MEIS2: variants seen among roughly 807,000 people sequenced by gnomAD.
MEIS2 encodes the protein homeobox protein Meis2.
In MEIS2, 9 loss-of-function variants were observed where a neutral mutation model predicts 58.6. The observed-to-expected ratio is 0.15, with a 90% CI of 0.09 to 0.27. The LOEUF is 0.27. Among genes scored for constraint, MEIS2 ranks in the 10% least tolerant of loss-of-function variants. The probability of loss-of-function intolerance (pLI) is 1.00; values close to 1 mark genes in which losing one functional copy is unlikely to be tolerated. For missense variants in MEIS2, 427 were observed against 635.0 expected, an observed-to-expected ratio of 0.67 and a Z score of 3.52; for synonymous variants, 221 against 228.4, an observed-to-expected ratio of 0.97 and a Z score of 0.29.
chr15:37,028,517 A>C (rs1264357228), intron 8 of MEIS2, among the ~76,000 whole-genome samples: 1 of 152,228 alleles, frequency 6.6e-6, no homozygotes, highest in Non-Finnish European at 1.5e-5. Flanking sequence ...AGCTTCTAGG[A>C]TCCAACACGA....
At chr15:36,897,808 G>C (rs2056259036) in intron 9 of MEIS2, 1 of 152,140 alleles carries the variant, frequency 6.6e-6, no homozygotes, top group Non-Finnish European at 1.5e-5. Flanking sequence ...CAGATCTTAA[G>C]CACAGGGGGA....
At chr15:37,031,100 A>G (rs1018046005) in intron 8 of MEIS2, among the ~76,000 whole-genome samples, 3 of 152,240 alleles carry the variant, frequency 2.0e-5, no homozygotes, top group Admixed American at 6.5e-5. Flanking sequence ...TGTACTTATT[A>G]TAAGAATCAG....
intron 8 of MEIS2, among the ~76,000 whole-genome samples, chr15:36,955,725 T>G (rs1433145394): frequency 3.9e-5 from 6 of 152,180 alleles, no homozygotes; most frequent in Non-Finnish European, 8.8e-5. Flanking sequence ...TCCTTTGCTA[T>G]TCTACTGCCA....
At chr15:36,960,752 C>T (rs1279177067) in intron 8 of MEIS2, among the ~76,000 whole-genome samples, 1 of 152,134 alleles carries the variant, frequency 6.6e-6, no homozygotes, top group Non-Finnish European at 1.5e-5. Flanking sequence ...ATTATAGTCT[C>T]ATATTCTTAA....
chr15:36,932,816 G>C (rs554032820), intron 9 of MEIS2, among the ~76,000 whole-genome samples: 19 of 152,312 alleles, frequency 1.2e-4, no homozygotes, highest in South Asian at 6.2e-4. Context: ...ATGAGGAAAA[G>C]CTTTGAGTGG....
intron 8 of MEIS2, among the ~76,000 whole-genome samples, chr15:36,992,833 C>T (rs1318425008): frequency 2.0e-5 from 3 of 152,082 alleles, no homozygotes; most frequent in Non-Finnish European, 4.4e-5. Flanking sequence ...CTCAGGTTTT[C>T]TCGCACGGAT....
chr15:36,959,338 G>T (rs1433058488), intron 8 of MEIS2, among the ~76,000 whole-genome samples: 1 of 152,004 alleles, frequency 6.6e-6, no homozygotes, highest in Non-Finnish European at 1.5e-5. Context: ...TTCCCCGTTT[G>T]CCACACTGCA....
intron 8 of MEIS2, among the ~76,000 whole-genome samples, chr15:36,994,255 T>C (rs2060399746): frequency 6.6e-6 from 1 of 152,154 alleles, no homozygotes; most frequent in Non-Finnish European, 1.5e-5. Flanking sequence ...TCAAAACTTC[T>C]ACCCCCATGA....
intron 8 of MEIS2, among the ~76,000 whole-genome samples, chr15:37,024,664 A>T (rs1277515965): frequency 6.6e-6 from 1 of 152,248 alleles, no homozygotes; most frequent in Admixed American, 6.5e-5. Context: ...AACTGTCTTC[A>T]GGGGAAAAAT....
At chr15:37,095,458 A>C in intron 4 of MEIS2, 106 bp downstream of exon 4, 1 of 1,553,242 alleles carries the variant, frequency 6.4e-7, no homozygotes, top group Non-Finnish European at 8.9e-7. Flanking sequence ...CTAGAGCTCC[A>C]AAAGAGGGTT....
intron 10 of MEIS2, among the ~76,000 whole-genome samples, chr15:36,895,882 C>G (rs1036984898): frequency 1.3e-5 from 2 of 152,208 alleles, no homozygotes; most frequent in African/African-American, 4.8e-5. Flanking sequence ...CAGGTAAAAT[C>G]TCCATCAAGT....
At chr15:36,994,440 C>T (rs2060404955) in intron 8 of MEIS2, among the ~76,000 whole-genome samples, 1 of 152,130 alleles carries the variant, frequency 6.6e-6, no homozygotes, top group Admixed American at 6.5e-5. Flanking sequence ...TATAAGACTA[C>T]CAAATGTCTT....
intron 8 of MEIS2, 83 bp downstream of exon 8, chr15:37,036,731 T>TA (rs929628409): frequency 1.9e-4 from 271 of 1,410,802 alleles, no homozygotes; most frequent in Middle Eastern, 6.0e-4. Context: ...CACCTTAGTT[T>TA]AAAAAAAAAT....
chr15:37,010,422 C>A (rs545617275), intron 8 of MEIS2, among the ~76,000 whole-genome samples: 1 of 148,902 alleles, frequency 6.7e-6, no homozygotes, highest in Non-Finnish European at 1.5e-5. Context: ...TCCCTCTGTA[C>A]CCCAGGCTGG....
At chr15:36,904,880 A>T (rs755536516) in intron 9 of MEIS2, among the ~76,000 whole-genome samples, 1 of 152,228 alleles carries the variant, frequency 6.6e-6, no homozygotes, top group Non-Finnish European at 1.5e-5. Flanking sequence ...TGTCTTGCTA[A>T]GAATTAAACT....
intron 11 of MEIS2, 114 bp downstream of exon 11, chr15:36,895,037 G>T: frequency 1.0e-6 from 1 of 981,958 alleles, no homozygotes; most frequent in Non-Finnish European, 1.5e-6. Context: ...GGCAGAGCAG[G>T]CAGCAGGCAA....
At chr15:36,931,790 A>T (rs570966793) in intron 9 of MEIS2, among the ~76,000 whole-genome samples, 5 of 152,364 alleles carry the variant, frequency 3.3e-5, no homozygotes, top group Non-Finnish European at 7.3e-5. Flanking sequence ...TCTAAATTAC[A>T]TTTACACCCA....
chr15:36,936,596 G>A (rs1177006064), intron 9 of MEIS2, among the ~76,000 whole-genome samples: 2 of 152,176 alleles, frequency 1.3e-5, no homozygotes, highest in Admixed American at 1.3e-4. Context: ...TGTGAAAGAT[G>A]TATTATAAAA....
At chr15:36,956,121 G>A (rs536060001) in intron 8 of MEIS2, among the ~76,000 whole-genome samples, 22 of 147,376 alleles carry the variant, frequency 1.5e-4, no homozygotes, top group Admixed American at 3.4e-4. Flanking sequence ...GCGTGAACCC[G>A]GGAGGCGGAG....
Sources: gnomAD v4.1 joint callset for allele counts (sites outside exome capture counted in the v4.1 genomes callset) on GRCh38, gnomAD v4.1.1 for gene constraint, MANE v1.5 for transcripts, NCBI Gene and HGNC (gene_info 2026-07-23, HGNC 2026-07-21) for gene names.